GNG2: variants seen among roughly 807,000 people sequenced by gnomAD.
GNG2 encodes G protein subunit gamma 2.
A neutral mutation model predicts 5.5 loss-of-function variants in GNG2; 5 were observed. The ratio of observed to expected loss-of-function variants is 0.91; its 90% confidence interval spans 0.48 to 1.92. The LOEUF is 1.92. Ranked by LOEUF, GNG2 falls within the 30% of genes most tolerant of loss-of-function variation. GNG2 has a pLI of 0.01. For missense variants in GNG2, 55 were observed against 88.4 expected (o/e 0.62, Z 1.52); for synonymous variants, 28 against 32.0 (o/e 0.88, Z 0.42).
At chr14:51,877,166 A>G (rs960334506) in intron 1 of GNG2, among the ~76,000 whole-genome samples, 32 of 152,126 alleles carry the variant, frequency 2.1e-4, no homozygotes, top group African/African-American at 7.7e-4. Flanking sequence ...ATACACACAA[A>G]CTGTATGCAC....
rs147268971 is a variant in GNG2 at position 51,928,901 on chromosome 14, C to A, written c.-29-21749C>A. Among the ~76,000 whole-genome samples the A allele has an allele frequency of 7.1e-4, 108 of 152,266 alleles. 1 individual carries two copies. Among genetic ancestry groups the A allele is most frequent in the African/African-American group, 1.9e-3 (77 of 41,546 alleles). The stretch of plus-strand genomic sequence containing the variant: ...TGTTTGCCATTTTCTAGCCTCCATA[C>A]CATCACAAGAACTAGTGAGAACTAA... On this transcript the variant is annotated intron_variant, in intron 2 of 3. Coordinates refer to ENST00000556766, the MANE Select transcript of GNG2 (RefSeq NM_053064.5).
chr14:51,828,886 T>C (rs1231032618), intron 2 of GNG2, among the ~76,000 whole-genome samples: 2 of 152,166 alleles, frequency 1.3e-5, no homozygotes, highest in Non-Finnish European at 2.9e-5. Flanking sequence ...ACCTCCCCGC[T>C]GCCTGGCAGT....
rs142157409 is a variant in GNG2, at chr14:51,942,571, C to CTTTTTCTTTCTT, written c.-29-8078_-29-8077insTTTTCTTTCTTT. 4.8e-4 allele frequency among the ~76,000 whole-genome samples: 27 copies of CTTTTTCTTTCTT among 55,676 alleles called. 1 individual carries two copies. The highest frequency in any genetic ancestry group is 1.3e-3 in the African/African-American group (18 of 14,262). 36.5% of individuals were successfully genotyped at this position (55,676 alleles called of 152,430 possible). ...ATTATTAGAATTTTATTTATTTTTT[C>CTTTTTCTTTCTT]TCTTTCTTTCTTTCTTTCTTTTTTT... On this transcript the variant is annotated intron_variant, in intron 2 of 3. Coordinates refer to ENST00000556766, the MANE Select transcript of GNG2 (RefSeq NM_053064.5).
chr14:51,931,361 G>A (rs1392607852), intron 2 of GNG2, among the ~76,000 whole-genome samples: 1 of 152,218 alleles, frequency 6.6e-6, no homozygotes, highest in East Asian at 1.9e-4. Context: ...ACTGTAAGAA[G>A]AGCAGGTCTG....
intron 2 of GNG2, among the ~76,000 whole-genome samples, chr14:51,917,001 C>T (rs970357089): frequency 6.6e-6 from 1 of 152,078 alleles, no homozygotes; most frequent in African/African-American, 2.4e-5. Context: ...CTGATTTTAT[C>T]TACACTGCCA....
At chr14:51,872,312 G>T (rs941586459) in intron 1 of GNG2, among the ~76,000 whole-genome samples, 3 of 72,232 alleles carry the variant, frequency 4.2e-5, no homozygotes, top group Non-Finnish European at 7.3e-5. Flanking sequence ...TGACTATTTT[G>T]TGTGTGTGTG....
rs142701594 is a variant in GNG2, at chr14:51,919,485, T to C, written c.-29-31165T>C. Among the ~76,000 whole-genome samples, 484 of 152,340 alleles carry C rather than the reference T, an allele frequency of 3.2e-3. 2 individuals are homozygous for C. The highest frequency in any genetic ancestry group is 0.011 in the African/African-American group (459 of 41,568). On this transcript the variant is annotated intron_variant, in intron 2 of 3. Coordinates refer to ENST00000556766, the MANE Select transcript of GNG2 (RefSeq NM_053064.5). ...GCAGGTCCCCAGAAGAAGTGTTTTGTAGCAAATCCAGCTCACATACTATGA... is the reference window on the plus strand; with the variant it reads ...GCAGGTCCCCAGAAGAAGTGTTTTGCAGCAAATCCAGCTCACATACTATGA...
At chr14:51,832,833 G>A (rs112498450) in intron 2 of GNG2, among the ~76,000 whole-genome samples, 6 of 152,212 alleles carry the variant, frequency 3.9e-5, no homozygotes, top group African/African-American at 1.2e-4. Flanking sequence ...TGAAGATGAG[G>A]GCTTCAATAT....
intron 2 of GNG2, among the ~76,000 whole-genome samples, chr14:51,834,306 C>T (rs1881276806): frequency 6.6e-6 from 1 of 152,220 alleles, no homozygotes; most frequent in Non-Finnish European, 1.5e-5. Flanking sequence ...CACTTGGCTC[C>T]CGAGCTGTGG....
In GNG2 at chr14:51,944,345, C is replaced by T. The variant is rs190588218; in HGVS notation, c.-29-6305C>T. ...GAGGGTTCTCTTCCTAATTTGGAAA[C>T]GGCTGTTTTTTTGCTGTTTACTCAC... On this transcript the variant is annotated intron_variant, in intron 2 of 3. Coordinates refer to ENST00000556766, the MANE Select transcript of GNG2 (RefSeq NM_053064.5). Among the ~76,000 whole-genome samples the T allele has an allele frequency of 2.0e-4, 31 of 152,280 alleles. No individual in the cohort carries two copies. In the South Asian group the frequency reaches 4.8e-3, roughly 23 times the overall value.
At position 51,967,427 on chromosome 14, in the gene GNG2, T is replaced by A. The variant is rs941010366; in HGVS notation, c.*740T>A. ...TCCTGTGTTGTGACTGGTGCTTTCA[T>A]ATATTTGTGACAATTTTTGAGTAAT... On this transcript the variant is annotated 3_prime_UTR_variant, in exon 4 of 4. Coordinates refer to ENST00000556766, the MANE Select transcript of GNG2 (RefSeq NM_053064.5). The A allele has an allele frequency of 6.6e-6, 1 of 152,174 alleles. No individual in the cohort carries two copies. The highest frequency in any genetic ancestry group is 1.5e-5 in the Non-Finnish European group (1 of 68,034). 9.4% of individuals were successfully genotyped at this position (152,174 alleles called of 1,614,324 possible).
chr14:51,879,486 C>A (rs1216758169), intron 2 of GNG2, among the ~76,000 whole-genome samples: 1 of 152,176 alleles, frequency 6.6e-6, no homozygotes, highest in African/African-American at 2.4e-5. Flanking sequence ...TATTACAAAC[C>A]TAGTGGCTTA....
chr14:51,942,589 CTTTTTTTT>C (rs56883654), intron 2 of GNG2, among the ~76,000 whole-genome samples: 1 of 81,146 alleles, frequency 1.2e-5, no homozygotes, highest in Admixed American at 1.3e-4. Flanking sequence ...TTCTTTCTTT[CTTTTTTTT>C]TTTTTTTTTA....
At chr14:51,869,573 C>T (rs1883163921) in intron 1 of GNG2, among the ~76,000 whole-genome samples, 1 of 152,192 alleles carries the variant, frequency 6.6e-6, no homozygotes, top group Non-Finnish European at 1.5e-5. Context: ...GGTGCAGTGG[C>T]ATGATCATGA....
chr14:51,848,231 T>A (rs1447320450), intron 2 of GNG2, among the ~76,000 whole-genome samples: 2 of 152,240 alleles, frequency 1.3e-5, no homozygotes, highest in East Asian at 1.9e-4. Context: ...GCCAACATCA[T>A]CTTTCTAAAT....
At chr14:51,950,545 G>A in intron 2 of GNG2, 105 bp from the exon 3 acceptor site, 1 of 681,406 alleles carries the variant, frequency 1.5e-6, no homozygotes, top group Non-Finnish European at 2.5e-6. Flanking sequence ...GAGAAGCCAG[G>A]CCTGGCTACA....
intron 2 of GNG2, among the ~76,000 whole-genome samples, chr14:51,934,673 C>T (rs1182684822): frequency 1.3e-5 from 2 of 152,194 alleles, no homozygotes; most frequent in Admixed American, 1.3e-4. Context: ...CACTGACTCC[C>T]ACGTTCTCTA....
At chr14:51,877,407 CA>C (rs2140133860) in intron 1 of GNG2, among the ~76,000 whole-genome samples, 1 of 152,280 alleles carries the variant, frequency 6.6e-6, no homozygotes, top group Non-Finnish European at 1.5e-5. Flanking sequence ...TCCAATTTCA[CA>C]AATCTATTTC....
chr14:51,925,688 T>C (rs1350958686), intron 2 of GNG2, among the ~76,000 whole-genome samples: 1 of 152,342 alleles, frequency 6.6e-6, no homozygotes, highest in East Asian at 1.9e-4. Flanking sequence ...CTCAGCTTAC[T>C]GCAACCTCCG....
Sources: gnomAD v4.1 joint callset for allele counts (sites outside exome capture counted in the v4.1 genomes callset) on GRCh38, gnomAD v4.1.1 for gene constraint, MANE v1.5 for transcripts, NCBI Gene and HGNC (gene_info 2026-07-23, HGNC 2026-07-21) for gene names.